The following TGFBR1 variants were observed in gnomAD, a reference collection of about 807,000 sequenced individuals.
TGFBR1 encodes transforming growth factor beta receptor 1, also known as TGF-beta receptor type-1.
Under a neutral mutation model 55.1 loss-of-function variants are expected in TGFBR1, and 20 were observed. That is an observed-to-expected ratio of 0.36 (90% CI 0.26 to 0.53). The LOEUF (loss-of-function observed/expected upper bound fraction) is 0.53, where lower values mean the gene tolerates loss of function less well. TGFBR1 is among the 20% of genes least tolerant of loss of function. The probability of loss-of-function intolerance (pLI) is 0.91; values close to 1 mark genes in which losing one functional copy is unlikely to be tolerated. For synonymous variants in TGFBR1, 220 were observed against 214.8 expected (o/e 1.02, Z -0.21); for missense variants, 385 against 617.6 (o/e 0.62, Z 3.99).
intron 8 of TGFBR1, among the ~76,000 whole-genome samples, chr9:99,148,547 T>C (rs1827874946): frequency 6.6e-6 from 1 of 152,190 alleles, no homozygotes; most frequent in Non-Finnish European, 1.5e-5. Flanking sequence ...CGTCTTAAAC[T>C]ATTGTAGGAC....
chr9:99,145,004 C>A, intron 6 of TGFBR1, 116 bp downstream of exon 6: 1 of 1,192,558 alleles, frequency 8.4e-7, no homozygotes, highest in Non-Finnish European at 1.2e-6. Flanking sequence ...ATTAGATTGC[C>A]AACAGGTAAG....
intron 3 of TGFBR1, among the ~76,000 whole-genome samples, chr9:99,136,476 T>C (rs10760674): frequency 6.6e-6 from 1 of 152,034 alleles, no homozygotes; most frequent in Non-Finnish European, 1.5e-5. Context: ...CTACAAGGCT[T>C]TCATAAAATG....
Position 99,149,496 on chromosome 9 carries a change from C to G in TGFBR1, c.*191C>G, listed in dbSNP as rs887464333. The G allele has an allele frequency of 1.5e-6, 1 of 655,106 alleles. No homozygotes were observed. The highest frequency in any genetic ancestry group is 1.8e-5 in the African/African-American group (1 of 55,004). 40.6% of individuals were successfully genotyped at this position (655,106 alleles called of 1,614,324 possible). On this transcript the variant is annotated 3_prime_UTR_variant, in exon 9 of 9. Transcript: ENST00000374994. ...CAGGAAACAGCCATGTGGGTCCTTT[C>G]TGTGCACTATGAACGCTTCTTTCCC...
At chr9:99,137,751 G>A in intron 3 of TGFBR1, 108 bp from the exon 4 acceptor site, 3 of 822,902 alleles carry the variant, frequency 3.6e-6, no homozygotes, top group South Asian at 1.4e-5. Context: ...ATTCCTAAAG[G>A]GATAGCTTAA....
chr9:99,127,716 C>T, intron 1 of TGFBR1: 3 of 351,332 alleles, frequency 8.5e-6, no homozygotes, highest in South Asian at 6.5e-5. Context: ...CCTTGCTGTT[C>T]ACGTCATAGA....
intron 1 of TGFBR1, among the ~76,000 whole-genome samples, chr9:99,116,793 T>A (rs1043573276): frequency 1.2e-4 from 19 of 152,180 alleles, no homozygotes; most frequent in Admixed American, 1.2e-3. Flanking sequence ...CTTTATTAGC[T>A]TGGTTACAGT....
chr9:99,127,155 C>T (rs145940635), intron 1 of TGFBR1, among the ~76,000 whole-genome samples: 138 of 152,270 alleles, frequency 9.1e-4, no homozygotes, highest in African/African-American at 3.0e-3. Flanking sequence ...AAAAGGCACC[C>T]GGGGTGAAGT....
At chr9:99,121,273 G>A (rs1826890827) in intron 1 of TGFBR1, among the ~76,000 whole-genome samples, 1 of 152,166 alleles carries the variant, frequency 6.6e-6, no homozygotes, top group Non-Finnish European at 1.5e-5. Flanking sequence ...CTGCTGCAAG[G>A]TAGCCCCAGG....
At chr9:99,117,402 A>G (rs775558423) in intron 1 of TGFBR1, among the ~76,000 whole-genome samples, 1 of 151,908 alleles carries the variant, frequency 6.6e-6, no homozygotes, top group Non-Finnish European at 1.5e-5. Context: ...CCGGCCTTCA[A>G]TTTTTTGCTT....
chr9:99,104,545 G>A (rs909686717), upstream of TGFBR1, among the ~76,000 whole-genome samples: 1 of 152,136 alleles, frequency 6.6e-6, no homozygotes, highest in Non-Finnish European at 1.5e-5. Context: ...AGGGCACTGA[G>A]GAGGGATCTT....
intron 1 of TGFBR1, among the ~76,000 whole-genome samples, chr9:99,112,420 C>T (rs1826614206): frequency 6.6e-6 from 1 of 152,202 alleles, no homozygotes; most frequent in Non-Finnish European, 1.5e-5. Flanking sequence ...TTGTCATCAT[C>T]CTACAGTGCT....
chr9:99,139,246 G>A (rs1304373479), intron 4 of TGFBR1, among the ~76,000 whole-genome samples: 1 of 149,858 alleles, frequency 6.7e-6, no homozygotes, highest in Non-Finnish European at 1.5e-5. Flanking sequence ...GGCCAGACCT[G>A]TAGTCATCTT....
At chr9:99,130,859 A>G (rs1439348266) in intron 2 of TGFBR1, among the ~76,000 whole-genome samples, 1 of 152,230 alleles carries the variant, frequency 6.6e-6, no homozygotes, top group African/African-American at 2.4e-5. Flanking sequence ...CTTTCAGAAG[A>G]AAAGCCCAAC....
chr9:99,114,792 A>G (rs933160934), intron 1 of TGFBR1, among the ~76,000 whole-genome samples: 3 of 152,202 alleles, frequency 2.0e-5, no homozygotes, highest in Non-Finnish European at 4.4e-5. Flanking sequence ...GATACACTTC[A>G]TCAGAGTACT....
intron 8 of TGFBR1, among the ~76,000 whole-genome samples, chr9:99,147,990 T>C (rs566803728): frequency 2.2e-4 from 33 of 152,326 alleles, no homozygotes; most frequent in Middle Eastern, 6.8e-3. Flanking sequence ...GCAGTGGCCT[T>C]TAGTGTATCA....
chr9:99,118,814 A>G (rs1171511078), intron 1 of TGFBR1, among the ~76,000 whole-genome samples: 1 of 151,710 alleles, frequency 6.6e-6, no homozygotes. Flanking sequence ...ACCTGGCTCA[A>G]ACTTTTATTT....
rs1013836156 is a variant in TGFBR1, at chr9:99,118,648, T to C, written c.98-10207T>C. ...ACTCCCTTACTGTTTTCTTTCTTTTTTTTTTTTTTTTTTTTGAGACAGGAT... is the reference window on the plus strand; with the variant it reads ...ACTCCCTTACTGTTTTCTTTCTTTTCTTTTTTTTTTTTTTTGAGACAGGAT... On this transcript the variant is annotated intron_variant, in intron 1 of 8. Transcript: ENST00000374994. Among the ~76,000 whole-genome samples the C allele has an allele frequency of 7.8e-4, 114 of 146,462 alleles. 1 individual carries two copies. Among genetic ancestry groups the C allele is most frequent in the African/African-American group, 1.6e-3 (63 of 40,108 alleles).
chr9:99,107,628 C>T (rs1369625812), intron 1 of TGFBR1, among the ~76,000 whole-genome samples: 1 of 152,216 alleles, frequency 6.6e-6, no homozygotes, highest in East Asian at 1.9e-4. Context: ...ATGTTTTTCT[C>T]ATCTAGGCTT....
At chr9:99,134,828 A>T (rs1394072305) in intron 3 of TGFBR1, among the ~76,000 whole-genome samples, 1 of 111,254 alleles carries the variant, frequency 9.0e-6, no homozygotes, top group Non-Finnish European at 2.0e-5. Flanking sequence ...ATATATATAT[A>T]TATATATATA....
Sources: allele counts gnomAD v4.1 joint callset (sites outside exome capture counted in the v4.1 genomes callset), GRCh38; gene constraint gnomAD v4.1.1; transcripts MANE v1.5; gene names NCBI Gene and HGNC (gene_info 2026-07-23, HGNC 2026-07-21).